Variants in LDLRAD4 observed in about 807,000 individuals in gnomAD.
LDLRAD4 encodes the protein low density lipoprotein receptor class A domain containing 4.
LDLRAD4 carries 5 observed loss-of-function variants against 17.0 expected under a neutral mutation model. The ratio of observed to expected loss-of-function variants is 0.29; its 90% confidence interval spans 0.15 to 0.62. LDLRAD4 has a LOEUF of 0.62. Ranked by LOEUF, LDLRAD4 falls within the 20% of genes least tolerant of loss-of-function variation. LDLRAD4 has a pLI of 0.84. For synonymous variants in LDLRAD4, 168 were observed against 171.8 expected, an observed-to-expected ratio of 0.98 and a Z score of 0.17; for missense variants, 340 against 424.7, an observed-to-expected ratio of 0.80 and a Z score of 1.75.
intron 3 of LDLRAD4, among the ~76,000 whole-genome samples, chr18:13,560,082 A>G (rs1287648276): frequency 2.6e-5 from 4 of 152,222 alleles, no homozygotes; most frequent in Admixed American, 6.5e-5. Flanking sequence ...GGTAGCAGAA[A>G]AAGTGGAACT....
chr18:13,391,251 A>C lies in LDLRAD4; in HGVS notation c.40+3489A>C, dbSNP rs76989901. 3.6e-3 allele frequency among the ~76,000 whole-genome samples: 551 copies of C among 152,166 alleles called. 13 individuals are homozygous for C. The East Asian group carries it at 0.059, about 16-fold the overall frequency. On this transcript the variant is annotated intron_variant, in intron 2 of 5. Coordinates refer to ENST00000359446, the Ensembl canonical transcript of LDLRAD4. ...TCACTTTATGTTCCAATTCTCTTGG[A>C]GGGTAGAGGCTCAGAATTCCTCTTT...
intron 1 of LDLRAD4, among the ~76,000 whole-genome samples, chr18:13,334,153 G>A (rs1392911627): frequency 2.0e-5 from 3 of 152,000 alleles, no homozygotes; most frequent in Non-Finnish European, 2.9e-5. Flanking sequence ...ATTTTCTTTT[G>A]GGAGTGATAA....
chr18:13,236,745 C>T (rs1263137150), intron 1 of LDLRAD4, among the ~76,000 whole-genome samples: 1 of 152,102 alleles, frequency 6.6e-6, no homozygotes, highest in African/African-American at 2.4e-5. Context: ...GGGGTGTCTC[C>T]TGCACCTGGT....
intron 3 of LDLRAD4, among the ~76,000 whole-genome samples, chr18:13,512,460 G>A (rs1229765072): frequency 6.6e-6 from 1 of 152,178 alleles, no homozygotes; most frequent in Non-Finnish European, 1.5e-5. Flanking sequence ...TGCTTACAAT[G>A]TGGGTGTTGA....
At chr18:13,403,464 ACT>A (rs1473718913) in intron 2 of LDLRAD4, among the ~76,000 whole-genome samples, 1 of 151,886 alleles carries the variant, frequency 6.6e-6, no homozygotes, top group Non-Finnish European at 1.5e-5. Flanking sequence ...AGATAGCAAA[ACT>A]CTCTTTGCTT....
intron 3 of LDLRAD4, among the ~76,000 whole-genome samples, chr18:13,607,889 A>G (rs1354921007): frequency 6.6e-6 from 1 of 152,226 alleles, no homozygotes; most frequent in Non-Finnish European, 1.5e-5. Flanking sequence ...TATTGTAAAT[A>G]ATGTTGCAAT....
rs1024960385 is a variant in LDLRAD4, at chr18:13,336,058, C to T, written c.-382-51283C>T. Among the ~76,000 whole-genome samples the T allele has an allele frequency of 3.3e-5, 5 of 152,234 alleles. No homozygotes were observed. In the South Asian group the frequency reaches 1.0e-3, roughly 32 times the overall value. On this transcript the variant is annotated intron_variant, in intron 1 of 5. Transcript: ENST00000359446. ...TGGCTGAAAAGCATAGTGGAGCTGG[C>T]GTGTGCGGAGATCACACGGTGAGAG... is the stretch of plus-strand genomic sequence containing the variant.
At chr18:13,550,614 G>C (rs866269636) in intron 3 of LDLRAD4, among the ~76,000 whole-genome samples, 1 of 152,238 alleles carries the variant, frequency 6.6e-6, no homozygotes, top group African/African-American at 2.4e-5. Flanking sequence ...CCATCAAGAC[G>C]ATGAGTCCCG....
At chr18:13,477,611 A>G (rs1262160627) in intron 3 of LDLRAD4, among the ~76,000 whole-genome samples, 1 of 152,220 alleles carries the variant, frequency 6.6e-6, no homozygotes, top group African/African-American at 2.4e-5. Context: ...GGATTATGGA[A>G]AGGCAATTAG....
chr18:13,228,991 C>T (rs970020753), intron 1 of LDLRAD4, among the ~76,000 whole-genome samples: 4 of 152,238 alleles, frequency 2.6e-5, no homozygotes, highest in Non-Finnish European at 5.9e-5. Flanking sequence ...TGTGAATCCT[C>T]ATCCTTTGGT....
intron 1 of LDLRAD4, among the ~76,000 whole-genome samples, chr18:13,339,358 G>A (rs958685803): frequency 6.6e-6 from 1 of 151,924 alleles, no homozygotes; most frequent in Non-Finnish European, 1.5e-5. Flanking sequence ...CTACAGGCAT[G>A]TGCCCAGCTA....
At chr18:13,237,465 G>A (rs900265487) in intron 1 of LDLRAD4, among the ~76,000 whole-genome samples, 10 of 152,188 alleles carry the variant, frequency 6.6e-5, no homozygotes, top group African/African-American at 1.9e-4. Context: ...AGTGACTGCC[G>A]GGTGGCTGAT....
chr18:13,584,956 C>T (rs1357608218), intron 3 of LDLRAD4, among the ~76,000 whole-genome samples: 4 of 152,228 alleles, frequency 2.6e-5, no homozygotes, highest in African/African-American at 7.2e-5. Context: ...CCTTATCCTT[C>T]GGTTCCACTG....
chr18:13,299,620 G>T (rs376161262), intron 1 of LDLRAD4, among the ~76,000 whole-genome samples: 134 of 152,260 alleles, frequency 8.8e-4, no homozygotes, highest in African/African-American at 3.1e-3. Flanking sequence ...GAGGCAGGAG[G>T]ATCACTTGAG....
chr18:13,396,062 A>T (rs1342108176), intron 2 of LDLRAD4, among the ~76,000 whole-genome samples: 2 of 152,166 alleles, frequency 1.3e-5, no homozygotes, highest in African/African-American at 4.8e-5. Context: ...CAGAAATGGG[A>T]TGCAAAAATA....
At chr18:13,309,402 A>G (rs1256437584) in intron 1 of LDLRAD4, among the ~76,000 whole-genome samples, 1 of 152,210 alleles carries the variant, frequency 6.6e-6, no homozygotes, top group Non-Finnish European at 1.5e-5. Flanking sequence ...TGTGCATTCC[A>G]GTCCCAATTT....
intron 1 of LDLRAD4, among the ~76,000 whole-genome samples, chr18:13,327,216 A>G (rs763069012): frequency 2.0e-4 from 30 of 151,986 alleles, no homozygotes; most frequent in Non-Finnish European, 3.7e-4. Flanking sequence ...TTAGTGATGG[A>G]GCCACTTTGG....
chr18:13,650,215 G>A, exon 6 of LDLRAD4: 1 of 403,494 alleles, frequency 2.5e-6, no homozygotes, highest in Non-Finnish European at 4.4e-6. Flanking sequence ...CAGAGTTCAA[G>A]TTTATGTTAC....
intron 1 of LDLRAD4, among the ~76,000 whole-genome samples, chr18:13,370,721 T>TTTTTTTGTTTGTTTTTG (rs2084427005): frequency 2.7e-5 from 4 of 147,098 alleles, no homozygotes; most frequent in African/African-American, 9.9e-5. Flanking sequence ...TTGTTTTTTT[T>TTTTTTTGTTTGTTTTTG]TTTTTTTGAG....
Sources: allele counts gnomAD v4.1 joint callset (sites outside exome capture counted in the v4.1 genomes callset), GRCh38; gene constraint gnomAD v4.1.1; transcripts MANE v1.5; gene names NCBI Gene and HGNC (gene_info 2026-07-23, HGNC 2026-07-21).